The following CUX1 variants were observed in gnomAD, a reference collection of about 807,000 sequenced individuals.
CUX1 encodes protein CASP.
In CUX1, 31 loss-of-function variants were observed where a neutral mutation model predicts 158.8. The observed-to-expected ratio is 0.20, with a 90% CI of 0.15 to 0.26. CUX1 has a LOEUF of 0.26. CUX1 is among the 10% of genes least tolerant of loss of function. The probability of loss-of-function intolerance (pLI) is 1.00; values close to 1 mark genes in which losing one functional copy is unlikely to be tolerated. For missense variants in CUX1, 1,589 were observed against 2,014.6 expected, an observed-to-expected ratio of 0.79 and a Z score of 4.04; for synonymous variants, 879 against 862.1, an observed-to-expected ratio of 1.02 and a Z score of -0.34.
chr7:102,283,094 C>T, exon 23 of CUX1: 1 of 1,613,012 alleles, frequency 6.2e-7, no homozygotes, highest in Non-Finnish European at 8.5e-7. Flanking sequence ...GCAGTGATAC[C>T]CCGGGGCCTC....
chr7:102,265,730 G>A (rs1554544921), intron 14 of CUX1, among the ~76,000 whole-genome samples: 5 of 151,930 alleles, frequency 3.3e-5, no homozygotes, highest in African/African-American at 1.2e-4. Flanking sequence ...AGTTGCACCC[G>A]ACCAACTTTT....
chr7:102,047,922 G>A (rs1207488830), intron 3 of CUX1, among the ~76,000 whole-genome samples: 1 of 152,178 alleles, frequency 6.6e-6, no homozygotes, highest in African/African-American at 2.4e-5. Flanking sequence ...AGGGAGCATA[G>A]GATGCAGTTT....
At chr7:102,007,729 GTTTTT>G (rs1325960054) in intron 2 of CUX1, among the ~76,000 whole-genome samples, 1 of 150,362 alleles carries the variant, frequency 6.7e-6, no homozygotes, top group South Asian at 2.1e-4. Context: ...CACCTCTGGT[GTTTTT>G]TTTGTTTTGT....
intron 3 of CUX1, among the ~76,000 whole-genome samples, chr7:102,043,945 AG>A (rs1386623138): frequency 6.6e-6 from 1 of 152,048 alleles, no homozygotes; most frequent in Admixed American, 6.6e-5. Context: ...AGATGATTAA[AG>A]ATGTTGAGCA....
At chr7:102,086,336 T>A (rs1452748026) in intron 4 of CUX1, among the ~76,000 whole-genome samples, 3 of 152,104 alleles carry the variant, frequency 2.0e-5, no homozygotes, top group Admixed American at 2.0e-4. Flanking sequence ...TGCTCTTCTT[T>A]ATGAGTTTTA....
At chr7:102,267,684 A>T (rs1554545364) in intron 14 of CUX1, among the ~76,000 whole-genome samples, 1 of 152,076 alleles carries the variant, frequency 6.6e-6, no homozygotes, top group African/African-American at 2.4e-5. Context: ...TGGTGCAGAG[A>T]GGGACAGGGT....
At chr7:101,989,912 C>T (rs558598449) in intron 2 of CUX1, among the ~76,000 whole-genome samples, 4 of 152,234 alleles carry the variant, frequency 2.6e-5, no homozygotes, top group East Asian at 1.9e-4. Flanking sequence ...GTGTGGGCAT[C>T]GCTTGCACGC....
At position 102,201,605 on chromosome 7, in the gene CUX1, G is replaced by A. The variant is rs1368422800; in HGVS notation, c.2308G>A (p.Ala770Thr). 1.1e-5 allele frequency: 17 copies of A among 1,613,910 alleles called. No homozygotes were observed. Among genetic ancestry groups the A allele is most frequent in the African/African-American group, 8.0e-5 (6 of 74,922 alleles). Residue 770 changes from alanine (A) to threonine (T), a missense_variant, in exon 18 of 24, where the codon GCT becomes ACT. Ala to Thr is a moderately conservative substitution (Grantham distance 58). Coordinates refer to ENST00000292535, the MANE Select transcript of CUX1 (RefSeq NM_181552.4). The surrounding 1 kb of genome is among the most constrained non-coding windows in gnomAD (Gnocchi z 5.0). ...LAISLKKPSA[A>T]PEAGASALPN... ...CATCTCCCTGAAGAAGCCCTCCGCA[G>A]CTCCTGAGGCCGGTGCCTCTGCTCT...
chr7:101,948,602 C>G (rs2129150664), intron 2 of CUX1, among the ~76,000 whole-genome samples: 1 of 152,316 alleles, frequency 6.6e-6, no homozygotes, highest in East Asian at 1.9e-4. Context: ...GCCTCTGTAT[C>G]TGGATCCCCT....
At chr7:102,108,736 T>G (rs797041691) in intron 6 of CUX1, among the ~76,000 whole-genome samples, 3 of 144,962 alleles carry the variant, frequency 2.1e-5, no homozygotes, top group Non-Finnish European at 3.0e-5. Context: ...TTCATTCATT[T>G]TGTGTGTGTG....
At chr7:102,034,145 CAAAAA>C (rs10655613) in intron 3 of CUX1, among the ~76,000 whole-genome samples, 1 of 48,614 alleles carries the variant, frequency 2.1e-5, no homozygotes, top group African/African-American at 9.3e-5. Context: ...GACTCCATCT[CAAAAA>C]AAAAAAAAAA....
At chr7:101,931,779 G>T (rs1318610216) in intron 2 of CUX1, among the ~76,000 whole-genome samples, 2 of 152,122 alleles carry the variant, frequency 1.3e-5, no homozygotes, top group African/African-American at 2.4e-5. Context: ...ACGCACGCTG[G>T]TCTCAAACTC....
intron 2 of CUX1, among the ~76,000 whole-genome samples, chr7:102,005,604 G>T (rs1384746778): frequency 6.6e-6 from 1 of 152,170 alleles, no homozygotes. Flanking sequence ...CCACAGGGCT[G>T]GGGTTATAGA....
chr7:101,947,695 A>T (rs996503763), intron 2 of CUX1, among the ~76,000 whole-genome samples: 4 of 152,220 alleles, frequency 2.6e-5, no homozygotes, highest in African/African-American at 4.8e-5. Flanking sequence ...GAGAGAGCTA[A>T]TTTGGACAGA....
At position 102,189,835 on chromosome 7, in the gene CUX1, G is replaced by A. The variant is rs1418723802; in HGVS notation, c.1040G>A (p.Gly347Asp). The change falls in exon 12 of 24, where the codon GGC becomes GAC. Residue 347 changes from glycine to aspartate, a missense_variant. Gly to Asp is a moderately conservative substitution (Grantham distance 94). Transcript: ENST00000292535. ...CAGCAACTGGAAGAAAAACTCAAAG[G>A]CCAGGCTGACTATGAAGAGGTGAAG... ...TLKQLEEKLK[G>D]QADYEEVKKE... is the part of the protein sequence containing the mutation. 2.5e-6 allele frequency: 4 copies of A among 1,614,142 alleles called. No homozygotes were observed. Among genetic ancestry groups the A allele is most frequent in the Non-Finnish European group, 3.4e-6 (4 of 1,180,052 alleles).
chr7:101,952,080 G>A (rs1291977641), intron 2 of CUX1, among the ~76,000 whole-genome samples: 2 of 152,188 alleles, frequency 1.3e-5, no homozygotes, highest in Non-Finnish European at 2.9e-5. Context: ...CACAGGACCT[G>A]GGGACTTGTT....
At chr7:101,976,005 G>T (rs1325493486) in intron 2 of CUX1, among the ~76,000 whole-genome samples, 1 of 152,198 alleles carries the variant, frequency 6.6e-6, no homozygotes, top group Admixed American at 6.5e-5. Context: ...TGTGATGGAT[G>T]CCTGTAATCC....
chr7:101,928,571 G>T (rs575805633), intron 2 of CUX1, among the ~76,000 whole-genome samples: 86 of 151,002 alleles, frequency 5.7e-4, no homozygotes, highest in African/African-American at 2.0e-3. Context: ...TCACTATGTT[G>T]GCCAGGTTGG....
intron 1 of CUX1, among the ~76,000 whole-genome samples, chr7:101,892,913 T>A (rs1466393123): frequency 6.6e-6 from 1 of 152,106 alleles, no homozygotes; most frequent in Non-Finnish European, 1.5e-5. Flanking sequence ...TCTTTTTCCT[T>A]CTTCAGACAG....
Sources: gnomAD v4.1 joint callset for allele counts (sites outside exome capture counted in the v4.1 genomes callset) on GRCh38, gnomAD v4.1.1 for gene constraint, Gnocchi (gnomAD v3.1) non-coding constraint, MANE v1.5 for transcripts, NCBI Gene and HGNC (gene_info 2026-07-23, HGNC 2026-07-21) for gene names.